SHROOM4: variants seen among roughly 807,000 people sequenced by gnomAD.
The protein encoded by SHROOM4 is shroom family member 4.
In SHROOM4, 17 loss-of-function variants were observed where a neutral mutation model predicts 80.3. The observed-to-expected ratio is 0.21, with a 90% confidence interval of 0.14 to 0.32. The LOEUF (loss-of-function observed/expected upper bound fraction) is 0.32. Ranked by LOEUF, SHROOM4 falls within the 10% of genes least tolerant of loss-of-function variation. SHROOM4 has a pLI of 1.00. For synonymous variants in SHROOM4, 400 were observed against 437.5 expected, an observed-to-expected ratio of 0.91 and a Z score of 1.07; for missense variants, 993 against 1,140.3, an observed-to-expected ratio of 0.87 and a Z score of 1.86.
At chrX:50,769,585 C>T (rs150713638) in intron 1 of SHROOM4, among the ~76,000 whole-genome samples, 4,242 of 111,561 alleles carry the variant, frequency 0.038, 84 homozygotes, top group Non-Finnish European at 0.062. Context: ...CTGCCAATTA[C>T]TTCATGAGTA....
rs181728869 is a variant in SHROOM4 at position 50,640,175 on chromosome X, A to G, written c.270-1867T>C. ...AGTAGTAGTACTATGTACCATGGGT[A>G]TCTACTATGACCTATGCTTTTAGAC... is the stretch of plus-strand genomic sequence containing the variant. On this transcript the variant is annotated intron_variant, in intron 2 of 8. Transcript: ENST00000376020. Among the ~76,000 whole-genome samples, 18 of 111,922 alleles carry G rather than the reference A, an allele frequency of 1.6e-4. No individual in the cohort carries two copies. In the East Asian group the frequency reaches 4.8e-3, roughly 30 times the overall value.
chrX:50,600,765 C>T (rs1668941089), intron 7 of SHROOM4, among the ~76,000 whole-genome samples: 3 of 111,753 alleles, frequency 2.7e-5, no homozygotes, highest in African/African-American at 9.8e-5. Flanking sequence ...ACCATGATCT[C>T]AGTCTGAAGT....
chrX:50,737,455 C>T (rs1934522479), intron 1 of SHROOM4, among the ~76,000 whole-genome samples: 1 of 111,509 alleles, frequency 9.0e-6, no homozygotes, highest in Non-Finnish European at 1.9e-5. Context: ...ATGCTATCTA[C>T]AAGACACATA....
intron 2 of SHROOM4, among the ~76,000 whole-genome samples, chrX:50,692,985 A>T (rs782762736): frequency 8.9e-6 from 1 of 111,823 alleles, no homozygotes; most frequent in South Asian, 3.8e-4. Context: ...GAAGATGATG[A>T]TGTGTTAGGT....
At chrX:50,738,668 T>C (rs1195063968) in intron 1 of SHROOM4, among the ~76,000 whole-genome samples, 1 of 110,748 alleles carries the variant, frequency 9.0e-6, no homozygotes, top group Non-Finnish European at 1.9e-5. Flanking sequence ...CACTGCTCAA[T>C]GAAATAAAAG....
chrX:50,756,224 A>G (rs946162533), intron 1 of SHROOM4, among the ~76,000 whole-genome samples: 3 of 112,102 alleles, frequency 2.7e-5, no homozygotes, highest in Admixed American at 1.9e-4. Flanking sequence ...TGAACATTTC[A>G]TATACAATAA....
chrX:50,612,317 G>T (rs1048964362), intron 5 of SHROOM4, among the ~76,000 whole-genome samples: 17 of 111,391 alleles, frequency 1.5e-4, no homozygotes, highest in Non-Finnish European at 1.1e-4. Context: ...GTATTTTTCT[G>T]TGAAAACAAA....
intron 2 of SHROOM4, among the ~76,000 whole-genome samples, chrX:50,678,989 T>C (rs1171664977): frequency 2.7e-5 from 3 of 111,490 alleles, no homozygotes; most frequent in Non-Finnish European, 5.7e-5. Context: ...ACCAGTAACC[T>C]CTGAATTAGC....
rs782306455 is a variant in SHROOM4, at chrX:50,691,270, C to T, written c.269+4516G>A. Among the ~76,000 whole-genome samples the T allele has an allele frequency of 3.6e-5, 4 of 110,935 alleles. No homozygotes were observed. In the South Asian group the frequency reaches 1.5e-3, roughly 43 times the overall value. On this transcript the variant is annotated intron_variant, in intron 2 of 8. Coordinates refer to ENST00000376020, the MANE Select transcript of SHROOM4 (RefSeq NM_020717.5). ...AAAAAATGGTTCATAAATATAATAT[C>T]TTCAATACGGTTTGTATCATCAATC...
chrX:50,671,912 A>G (rs1292296109), intron 2 of SHROOM4, among the ~76,000 whole-genome samples: 3 of 112,412 alleles, frequency 2.7e-5, no homozygotes, highest in Non-Finnish European at 5.6e-5. Flanking sequence ...AAGCATTTCT[A>G]ACTTTTTATT....
chrX:50,602,944 G>C, intron 6 of SHROOM4, 131 bp from the exon 7 acceptor site: 2 of 630,516 alleles, frequency 3.2e-6, no homozygotes, highest in Non-Finnish European at 5.0e-6. Flanking sequence ...AGAAGGCACT[G>C]TTCAAATGTA....
intron 1 of SHROOM4, among the ~76,000 whole-genome samples, chrX:50,775,970 A>C (rs1557270078): frequency 1.8e-5 from 2 of 112,219 alleles, no homozygotes. Flanking sequence ...CCGTTATGAC[A>C]TGTGAGGAAA....
intron 2 of SHROOM4, among the ~76,000 whole-genome samples, chrX:50,674,784 G>A (rs1378850375): frequency 2.7e-5 from 3 of 111,688 alleles, no homozygotes; most frequent in Admixed American, 9.5e-5. Flanking sequence ...TGTTAACATA[G>A]ACTATCATGT....
intron 1 of SHROOM4, among the ~76,000 whole-genome samples, chrX:50,710,059 G>T (rs1315466482): frequency 8.9e-6 from 1 of 112,099 alleles, no homozygotes; most frequent in Non-Finnish European, 1.9e-5. Context: ...AGGCATGTTT[G>T]GTAGGGGCAG....
intron 4 of SHROOM4, among the ~76,000 whole-genome samples, chrX:50,631,254 G>A (rs1432289285): frequency 9.0e-6 from 1 of 110,847 alleles, no homozygotes; most frequent in African/African-American, 3.3e-5. Flanking sequence ...ATCAATCAAT[G>A]TCATTCACCA....
intron 2 of SHROOM4, among the ~76,000 whole-genome samples, chrX:50,652,209 A>C (rs1557258958): frequency 8.9e-6 from 1 of 112,051 alleles, no homozygotes; most frequent in African/African-American, 3.2e-5. Context: ...ACAGCGTAAA[A>C]GCATTCCTAT....
At position 50,798,560 on chromosome X, in the gene SHROOM4, C is replaced by T. The variant is rs149884727; in HGVS notation, c.117+15342G>A. On this transcript the variant is annotated intron_variant, in intron 1 of 8. Coordinates refer to ENST00000376020, the MANE Select transcript of SHROOM4 (RefSeq NM_020717.5). Reference sequence around the variant, plus strand: ...AAATTTTAAGGTATAGTAGGACAAGCATAGGATTTGGGGTCAGGTAGAGTT... The same window carrying T: ...AAATTTTAAGGTATAGTAGGACAAGTATAGGATTTGGGGTCAGGTAGAGTT... Among the ~76,000 whole-genome samples, 57 of 111,233 alleles carry T rather than the reference C, an allele frequency of 5.1e-4. No individual in the cohort carries two copies. The East Asian group carries it at 0.016, about 31-fold the overall frequency.
chrX:50,642,826 C>T (rs1443862316), intron 2 of SHROOM4, among the ~76,000 whole-genome samples: 5 of 111,674 alleles, frequency 4.5e-5, no homozygotes, highest in Non-Finnish European at 7.5e-5. Context: ...TTAAGTGATT[C>T]GCCAAGAGCA....
chrX:50,804,911 C>G (rs782257870), intron 1 of SHROOM4, among the ~76,000 whole-genome samples: 1 of 110,278 alleles, frequency 9.1e-6, no homozygotes, highest in Admixed American at 9.8e-5. Context: ...CCTTCCTGAT[C>G]GCCAATTTAA....
Sources: allele counts gnomAD v4.1 joint callset (sites outside exome capture counted in the v4.1 genomes callset), GRCh38; gene constraint gnomAD v4.1.1; transcripts MANE v1.5; gene names NCBI Gene and HGNC (gene_info 2026-07-23, HGNC 2026-07-21).